GIGYF2: variants seen among roughly 807,000 people sequenced by gnomAD.
GIGYF2 encodes GRB10 interacting GYF protein 2, also known as GRB10-interacting GYF protein 2.
GIGYF2 carries 25 observed loss-of-function variants against 208.1 expected under a neutral mutation model. The observed-to-expected ratio is 0.12, with a 90% CI of 0.09 to 0.17. The LOEUF (loss-of-function observed/expected upper bound fraction) is 0.17. Among genes scored for constraint, GIGYF2 ranks in the 10% least tolerant of loss-of-function variants. GIGYF2 has a pLI of 1.00. For missense variants in GIGYF2, 1,302 were observed against 1,579.4 expected (o/e 0.82, Z 2.98); for synonymous variants, 534 against 543.8 (o/e 0.98, Z 0.25).
At chr2:232,749,340 G>T (rs924739501) in intron 5 of GIGYF2, among the ~76,000 whole-genome samples, 2 of 152,180 alleles carry the variant, frequency 1.3e-5, no homozygotes, top group Non-Finnish European at 2.9e-5. Flanking sequence ...AAGTAGAGAG[G>T]AAGAGTGATT....
At chr2:232,714,038 TTCCCGGGTTC>T in intron 2 of GIGYF2, among the ~76,000 whole-genome samples, 1 of 151,554 alleles carries the variant, frequency 6.6e-6, no homozygotes, top group Non-Finnish European at 1.5e-5. Flanking sequence ...CAAGCTACGC[TTCCCGGGTTC>T]ATGCCATTCT....
chr2:232,774,103 G>A (rs1161525655), intron 8 of GIGYF2, among the ~76,000 whole-genome samples: 1 of 150,940 alleles, frequency 6.6e-6, no homozygotes, highest in South Asian at 2.1e-4. Flanking sequence ...CCAACATAGC[G>A]AGACCCTGTC....
chr2:232,837,157 C>A (rs1427469103), intron 22 of GIGYF2, among the ~76,000 whole-genome samples: 1 of 152,232 alleles, frequency 6.6e-6, no homozygotes, highest in Non-Finnish European at 1.5e-5. Flanking sequence ...GCCTCCACAT[C>A]TGTTGCACTT....
In GIGYF2 at chr2:232,783,746, G is replaced by A. The variant is rs186586878; in HGVS notation, c.533-3404G>A. Among the ~76,000 whole-genome samples the A allele has an allele frequency of 7.2e-5, 11 of 152,252 alleles. No individual in the cohort carries two copies. The East Asian group carries it at 2.1e-3, about 29-fold the overall frequency. ...TTGTTGTCCAGGCTGGAGTGCAATG[G>A]TGCGATCTTGGCTCACCGCAACCTC... is the stretch of plus-strand genomic sequence containing the variant. On this transcript the variant is annotated intron_variant, in intron 8 of 28. Transcript: ENST00000373563.
rs184049233 is a variant in GIGYF2, at chr2:232,762,333, A to G, written c.532+897A>G. On this transcript the variant is annotated intron_variant, in intron 8 of 28. Coordinates refer to ENST00000373563, the MANE Select transcript of GIGYF2 (RefSeq NM_001103146.3). ...AATGGTGTGGTCTCGGCTCACTGCA[A>G]CCTATGCCTCCCGGGTTCAAGTGAA... Among the ~76,000 whole-genome samples, 769 of 150,390 alleles carry G rather than the reference A, an allele frequency of 5.1e-3. 4 individuals carry two copies. Among genetic ancestry groups the G allele is most frequent in the African/African-American group, 0.018 (744 of 40,872 alleles).
Position 232,845,802 on chromosome 2 carries a change from C to A in GIGYF2, c.3376C>A (p.Gln1126Lys). Residue 1126 changes from glutamine to lysine, a missense_variant, in exon 26 of 29, where the codon CAG (glutamine) becomes AAG (lysine). By Grantham distance (53) the Gln-to-Lys change is moderately conservative. This residue lies in a region of GIGYF2 where 701 missense variants were observed against 793.0 expected (regional missense o/e 0.88). Transcript: ENST00000373563. The part of the protein sequence containing the change: ...EEEEKLLKLF[Q>K]GVNKAQDGFT... ...AGAAGAAAAGTTGCTGAAGCTCTTTCAGGGAGTAAATAAAGCCCAAGATGG... is the reference window on the plus strand; with the variant it reads ...AGAAGAAAAGTTGCTGAAGCTCTTTAAGGGAGTAAATAAAGCCCAAGATGG... 1.2e-6 allele frequency: 2 copies of A among 1,613,146 alleles called. No homozygotes were observed. Among genetic ancestry groups the A allele is most frequent in the South Asian group, 2.2e-5 (2 of 91,058 alleles).
chr2:232,736,187 C>T (rs1015297702), intron 3 of GIGYF2: 17 of 977,538 alleles, frequency 1.7e-5, no homozygotes, highest in African/African-American at 5.2e-5. Flanking sequence ...TTCTAAGAAC[C>T]GATGGAACTC....
At chr2:232,734,106 A>C (rs1009992017) in intron 2 of GIGYF2, among the ~76,000 whole-genome samples, 1 of 146,664 alleles carries the variant, frequency 6.8e-6, no homozygotes, top group Non-Finnish European at 1.5e-5. Context: ...ATTTATTTTA[A>C]AACTTTTTTT....
chr2:232,732,347 G>A (rs1697538685), intron 2 of GIGYF2, among the ~76,000 whole-genome samples: 1 of 152,060 alleles, frequency 6.6e-6, no homozygotes, highest in African/African-American at 2.4e-5. Flanking sequence ...CTGAGGTCCT[G>A]TAAATCACTT....
At chr2:232,815,418 C>T (rs1287893338) in intron 18 of GIGYF2, among the ~76,000 whole-genome samples, 3 of 152,066 alleles carry the variant, frequency 2.0e-5, no homozygotes, top group Non-Finnish European at 4.4e-5. Context: ...AAGTTAATTC[C>T]CTGATAAATG....
At position 232,801,472 on chromosome 2, in the gene GIGYF2, C is replaced by T. The variant is rs1700398080; in HGVS notation, c.1640-5019C>T. On this transcript the variant is annotated intron_variant, in intron 14 of 28. Coordinates refer to ENST00000373563, the MANE Select transcript of GIGYF2 (RefSeq NM_001103146.3). ...CCCAGGAAGTTGAGGCTGCATTGAG[C>T]ACAGCACTTGGCTTGAGTAACAGAG... 3.3e-5 allele frequency among the ~76,000 whole-genome samples: 5 copies of T among 152,260 alleles called. 1 individual carries two copies. In the South Asian group the frequency reaches 1.0e-3, roughly 32 times the overall value.
chr2:232,699,884 T>C (rs1160276564), intron 1 of GIGYF2, among the ~76,000 whole-genome samples: 2 of 152,184 alleles, frequency 1.3e-5, no homozygotes. Context: ...TGTAGAACTT[T>C]TTGTGCTGAG....
intron 8 of GIGYF2, among the ~76,000 whole-genome samples, chr2:232,783,778 C>G (rs1409896633): frequency 6.6e-6 from 1 of 152,128 alleles, no homozygotes; most frequent in Admixed American, 6.5e-5. Flanking sequence ...CCTCTGCCAC[C>G]CGCTTCAAGT....
intron 17 of GIGYF2, 47 bp from the exon 18 acceptor site, chr2:232,812,344 T>TC (rs201316461): frequency 6.5e-5 from 53 of 811,506 alleles, no homozygotes; most frequent in South Asian, 4.9e-4. Context: ...TTTTTTTTTT[T>TC]CCTGCAAATG....
rs1574846954 is a variant in GIGYF2, at chr2:232,761,470, T to G, written c.532+34T>G. 6 of 1,353,758 alleles carry G rather than the reference T, an allele frequency of 4.4e-6. No individual in the cohort carries two copies. In the East Asian group the frequency reaches 1.4e-4, roughly 31 times the overall value. 83.9% of individuals were successfully genotyped at this position (1,353,758 alleles called of 1,614,324 possible). On this transcript the variant is annotated intron_variant, in intron 8 of 28. Coordinates refer to ENST00000373563, the MANE Select transcript of GIGYF2 (RefSeq NM_001103146.3). ...CTTACCTACACACATAAGGATAAAT[T>G]TATTAAAAATTGACTCAGTTACCTG...
chr2:232,754,885 G>T (rs1423487670), intron 5 of GIGYF2, among the ~76,000 whole-genome samples: 1 of 147,032 alleles, frequency 6.8e-6, no homozygotes, highest in African/African-American at 2.5e-5. Flanking sequence ...TACCTATAAA[G>T]TAAAAAAAAA....
chr2:232,732,485 C>T (rs926297412), intron 2 of GIGYF2, among the ~76,000 whole-genome samples: 1 of 152,030 alleles, frequency 6.6e-6, no homozygotes, highest in Non-Finnish European at 1.5e-5. Flanking sequence ...TTTAAAACAG[C>T]GGTTTAAAAA....
In GIGYF2 at chr2:232,787,137, A is replaced by G. The variant is rs562908086; in HGVS notation, c.533-13A>G. 1.2e-5 allele frequency: 19 copies of G among 1,599,544 alleles called. No individual in the cohort carries two copies. The East Asian group carries it at 3.6e-4, about 30-fold the overall frequency. Reference sequence around the variant, plus strand: ...GAGGCTCATGTTTACTTACCATATTATTTTCTTTATAGGGAGACCAAATTT... The same window carrying G: ...GAGGCTCATGTTTACTTACCATATTGTTTTCTTTATAGGGAGACCAAATTT... On this transcript the variant is annotated splice_polypyrimidine_tract_variant and intron_variant, in intron 8 of 28. Transcript: ENST00000373563.
At chr2:232,754,851 A>G (rs1022815982) in intron 5 of GIGYF2, among the ~76,000 whole-genome samples, 1 of 151,670 alleles carries the variant, frequency 6.6e-6, no homozygotes, top group Non-Finnish European at 1.5e-5. Flanking sequence ...TTTAGTTTTG[A>G]TGTTACTTGA....
Sources: gnomAD v4.1 joint callset for allele counts (sites outside exome capture counted in the v4.1 genomes callset) on GRCh38, gnomAD v4.1.1 for gene constraint, gnomAD v4.1.1 regional missense constraint, MANE v1.5 for transcripts, NCBI Gene and HGNC (gene_info 2026-07-23, HGNC 2026-07-21) for gene names.